The following CORIN variants were observed in gnomAD, a reference collection of about 807,000 sequenced individuals.
The protein encoded by CORIN is atrial natriuretic peptide-converting enzyme.
CORIN carries 117 observed loss-of-function variants against 125.3 expected under a neutral mutation model. The observed-to-expected ratio is 0.93, with a 90% CI of 0.80 to 1.09. The LOEUF (loss-of-function observed/expected upper bound fraction) is 1.09. Ranked by LOEUF, CORIN falls within the 50% of genes least tolerant of loss-of-function variation. The pLI is 0.00. For missense variants in CORIN, 1,253 were observed against 1,306.7 expected (o/e 0.96, Z 0.63); for synonymous variants, 450 against 466.4 (o/e 0.96, Z 0.45).
At chr4:47,790,781 A>G (rs1457129919) in intron 2 of CORIN, among the ~76,000 whole-genome samples, 1 of 152,166 alleles carries the variant, frequency 6.6e-6, no homozygotes, top group Non-Finnish European at 1.5e-5. Context: ...CAAAATGGCT[A>G]ACTTTCAGAA....
At chr4:47,619,028 A>G (rs1410653976) in intron 19 of CORIN, among the ~76,000 whole-genome samples, 1 of 152,158 alleles carries the variant, frequency 6.6e-6, no homozygotes, top group Non-Finnish European at 1.5e-5. Context: ...CTGGAGAGGA[A>G]TCAGATGTTT....
chr4:47,797,484 A>C (rs1731348248), intron 2 of CORIN, among the ~76,000 whole-genome samples: 1 of 151,860 alleles, frequency 6.6e-6, no homozygotes, highest in African/African-American at 2.4e-5. Context: ...CTGTTGGTCA[A>C]CTTTATTTCT....
intron 5 of CORIN, among the ~76,000 whole-genome samples, chr4:47,703,721 C>T (rs560051732): frequency 1.3e-5 from 2 of 152,296 alleles, no homozygotes; most frequent in East Asian, 3.9e-4. Flanking sequence ...AAGTGTACAA[C>T]TCACCTCTGA....
At chr4:47,662,167 G>A (rs1267987648) in intron 11 of CORIN, among the ~76,000 whole-genome samples, 1 of 152,184 alleles carries the variant, frequency 6.6e-6, no homozygotes, top group Non-Finnish European at 1.5e-5. Flanking sequence ...GTCTTTGAAG[G>A]AGACATATTC....
intron 1 of CORIN, among the ~76,000 whole-genome samples, chr4:47,825,042 C>T (rs1028584993): frequency 6.6e-6 from 1 of 152,210 alleles, no homozygotes; most frequent in Admixed American, 6.5e-5. Context: ...AATGTGAGCA[C>T]ACCGCTGGCC....
chr4:47,698,459 G>C (rs915255944), intron 5 of CORIN, among the ~76,000 whole-genome samples: 3 of 151,842 alleles, frequency 2.0e-5, no homozygotes, highest in Admixed American at 2.0e-4. Flanking sequence ...TGTGTGGCTA[G>C]AGTAGCATGA....
At position 47,665,090 on chromosome 4, in the gene CORIN, A is replaced by C. The variant is rs1289179751; in HGVS notation, c.1531T>G (p.Cys511Gly). The C allele has an allele frequency of 1.2e-6, 2 of 1,613,864 alleles. No individual in the cohort carries two copies. Among genetic ancestry groups the C allele is most frequent in the Non-Finnish European group, 1.7e-6 (2 of 1,179,816 alleles). The change falls in exon 11 of 22, where the codon TGC (cysteine) becomes GGC (glycine). Residue 511 changes from cysteine (C) to glycine (G), a missense_variant. By Grantham distance (159) the Cys-to-Gly change is radical (BLOSUM62 -3). Coordinates refer to ENST00000273857, the MANE Select transcript of CORIN (RefSeq NM_006587.4). ...NCYKYLMFFS[C>G]TILVPKCDVN... The stretch of plus-strand genomic sequence containing the variant: ...TCACATTTTGGTACCAAAATGGTGC[A>C]AGAAAAGAACATGAGGTATTTATAA...
rs563826234 is a variant in CORIN, at chr4:47,700,913, C to T, written c.800-7830G>A. Among the ~76,000 whole-genome samples, 13 of 152,306 alleles carry T rather than the reference C, an allele frequency of 8.5e-5. 1 individual carries two copies. The South Asian group carries it at 1.5e-3, about 17-fold the overall frequency. Reference sequence around the variant, plus strand: ...CCTCCTCAATGCTGCTTTCCCTTTCCGGAGGCTGCAGAGATGAAAACACAC... The same window carrying T: ...CCTCCTCAATGCTGCTTTCCCTTTCTGGAGGCTGCAGAGATGAAAACACAC... On this transcript the variant is annotated intron_variant, in intron 5 of 21. Transcript: ENST00000273857.
chr4:47,811,856 A>G (rs763458747), intron 1 of CORIN, among the ~76,000 whole-genome samples: 5 of 152,182 alleles, frequency 3.3e-5, no homozygotes, highest in Non-Finnish European at 5.9e-5. Flanking sequence ...TGCTACTACA[A>G]CAACATTGAG....
chr4:47,702,484 A>T (rs768305524), intron 5 of CORIN, among the ~76,000 whole-genome samples: 3 of 152,208 alleles, frequency 2.0e-5, no homozygotes, highest in Non-Finnish European at 2.9e-5. Context: ...AACATAAACA[A>T]AGAAAAATCA....
chr4:47,706,684 G>A, intron 5 of CORIN: 1 of 1,609,220 alleles, frequency 6.2e-7, no homozygotes, highest in Non-Finnish European at 8.5e-7. Context: ...TTGCGGAGGA[G>A]CGAGCTGGAC....
At chr4:47,741,937 G>GTTTC (rs1728415285) in intron 5 of CORIN, among the ~76,000 whole-genome samples, 1 of 151,990 alleles carries the variant, frequency 6.6e-6, no homozygotes, top group Admixed American at 6.5e-5. Context: ...ATGCGTGTAG[G>GTTTC]TTTCTTTCTA....
At chr4:47,637,180 A>C (rs962011549) in intron 16 of CORIN, among the ~76,000 whole-genome samples, 1 of 152,136 alleles carries the variant, frequency 6.6e-6, no homozygotes, top group Non-Finnish European at 1.5e-5. Context: ...ATGATTTAGG[A>C]TATCTGGTAG....
chr4:47,812,601 A>C (rs1732109686), intron 1 of CORIN, among the ~76,000 whole-genome samples: 1 of 152,252 alleles, frequency 6.6e-6, no homozygotes, highest in Non-Finnish European at 1.5e-5. Flanking sequence ...CACAACATGC[A>C]TCATAGACTA....
chr4:47,801,231 T>C (rs1002242662), intron 2 of CORIN, among the ~76,000 whole-genome samples: 1 of 152,244 alleles, frequency 6.6e-6, no homozygotes, highest in Admixed American at 6.5e-5. Context: ...CCATTGTATT[T>C]GGTTGTCCCA....
intron 3 of CORIN, among the ~76,000 whole-genome samples, chr4:47,764,661 T>A (rs1453334985): frequency 6.6e-6 from 1 of 152,214 alleles, no homozygotes; most frequent in Admixed American, 6.5e-5. Flanking sequence ...AAATTTCAGA[T>A]CTGAAACCTA....
chr4:47,810,724 G>A (rs781428429), intron 1 of CORIN, among the ~76,000 whole-genome samples: 22 of 151,828 alleles, frequency 1.4e-4, no homozygotes, highest in African/African-American at 2.2e-4. Flanking sequence ...ACATTCACTC[G>A]CTCCCCAGGC....
intron 10 of CORIN, among the ~76,000 whole-genome samples, chr4:47,669,912 T>G (rs1724668040): frequency 6.6e-6 from 1 of 152,184 alleles, no homozygotes; most frequent in Non-Finnish European, 1.5e-5. Flanking sequence ...CCCTGGATAT[T>G]GTAATTTAGG....
intron 19 of CORIN, among the ~76,000 whole-genome samples, chr4:47,616,675 G>T (rs557338223): frequency 1.2e-4 from 18 of 152,258 alleles, no homozygotes; most frequent in Non-Finnish European, 2.5e-4. Context: ...TGACAAGAAC[G>T]CAACCAGAGT....
Sources: gnomAD v4.1 joint callset for allele counts (sites outside exome capture counted in the v4.1 genomes callset) on GRCh38, gnomAD v4.1.1 for gene constraint, MANE v1.5 for transcripts, NCBI Gene and HGNC (gene_info 2026-07-23, HGNC 2026-07-21) for gene names.